The following CROCC2 variants were observed in gnomAD, a reference collection of about 807,000 sequenced individuals.
CROCC2 encodes the protein ciliary rootlet coiled-coil, rootletin family member 2, also known as ciliary rootlet coiled-coil protein 2.
CROCC2 carries 163 observed loss-of-function variants against 177.6 expected under a neutral mutation model. That is an observed-to-expected ratio of 0.92 (90% confidence interval 0.81 to 1.05). The LOEUF (loss-of-function observed/expected upper bound fraction) is 1.05. CROCC2 is among the 50% of genes least tolerant of loss of function. CROCC2 has a pLI of 0.00. For missense variants in CROCC2, 1,929 were observed against 1,797.8 expected, an observed-to-expected ratio of 1.07 and a Z score of -1.32; for synonymous variants, 904 against 787.3, an observed-to-expected ratio of 1.15 and a Z score of -2.48.
chr2:240,947,070 ATAGGCCCTGCTTAGGG>A (rs2059528564), intron 15 of CROCC2, among the ~76,000 whole-genome samples: 1 of 152,260 alleles, frequency 6.6e-6, no homozygotes, highest in South Asian at 2.1e-4. Flanking sequence ...TCTGTGCCTT[ATAGGCCCTGCTTAGGG>A]CCCTGCTCAG....
intron 14 of CROCC2, among the ~76,000 whole-genome samples, chr2:240,943,835 C>T (rs2059507506): frequency 6.6e-6 from 1 of 152,130 alleles, no homozygotes; most frequent in African/African-American, 2.4e-5. Context: ...TAGGACTTGG[C>T]AGATACCTCA....
At position 240,949,726 on chromosome 2, in the gene CROCC2, G is replaced by C. The variant is rs1295846228; in HGVS notation, c.2652+24G>C. The C allele has an allele frequency of 2.0e-6, 3 of 1,523,680 alleles. No homozygotes were observed. The highest frequency in any genetic ancestry group is 2.8e-5 in the African/African-American group (2 of 72,088). 94.4% of individuals were successfully genotyped at this position (1,523,680 alleles called of 1,614,324 possible). On this transcript the variant is annotated intron_variant, in intron 17 of 31. Transcript: ENST00000690015. This position sits in a 1 kb window ranked among gnomAD's most constrained non-coding sequence, Gnocchi z 4.5. ...AGGTCTGCTTCCCAGGAGCCCACCA[G>C]TAGCTTCCTAGAAGGCTACCAGGTC...
intron 15 of CROCC2, among the ~76,000 whole-genome samples, chr2:240,946,457 G>A (rs552605112): frequency 7.2e-5 from 11 of 152,368 alleles, no homozygotes; most frequent in Admixed American, 1.3e-4. Flanking sequence ...CAGTGAAAGC[G>A]CTGGGGTCAC....
rs1385120495 is a variant in CROCC2 at position 240,933,768 on chromosome 2, T to C, written c.1562T>C (p.Leu521Pro). Residue 521 changes from leucine (L) to proline (P), a missense_variant, in exon 11 of 32, where the codon CTG becomes CCG. By Grantham distance (98) the Leu-to-Pro change is moderately conservative (BLOSUM62 -3). Around this residue, in one of 3 missense-constraint regions of CROCC2, gnomAD observed 1,397 missense variants for 1,239.9 expected, o/e 1.13. Transcript: ENST00000690015. ...GGGCTGGAGGCCGAGGCTGCAGAGC[T>C]GCAGAGAAGCCTCCTGCTGCAGGCA... is the stretch of plus-strand genomic sequence containing the variant. ...KQGLEAEAAE[L>P]QRSLLLQAER... 2.6e-6 allele frequency: 4 copies of C among 1,549,422 alleles called. No individual in the cohort carries two copies. The highest frequency in any genetic ancestry group is 3.9e-5 in the Admixed American group (2 of 50,978).
chr2:240,923,413 G>A (rs1224035211), intron 4 of CROCC2, among the ~76,000 whole-genome samples: 1 of 150,742 alleles, frequency 6.6e-6, no homozygotes, highest in Non-Finnish European at 1.5e-5. Context: ...CTTATCAAGG[G>A]GGCCTCTGCC....
intron 20 of CROCC2, among the ~76,000 whole-genome samples, chr2:240,961,991 C>CCA (rs1218151675): frequency 4.8e-5 from 7 of 144,930 alleles, no homozygotes; most frequent in Admixed American, 2.1e-4. Context: ...TTGCACCGGC[C>CCA]CACACACACA....
rs1159513860 is a variant in CROCC2, at chr2:240,960,736, G to T, written c.3087+1292G>T. Among the ~76,000 whole-genome samples the T allele has an allele frequency of 2.6e-5, 4 of 152,114 alleles. No individual in the cohort carries two copies. Among genetic ancestry groups the T allele is most frequent in the Non-Finnish European group, 5.9e-5 (4 of 68,002 alleles). ...CCGGCAGGGGAGAGTGAGAAGAGGG[G>T]CTCAGCCCTCCCCAAGCACCCCCGA... On this transcript the variant is annotated intron_variant, in intron 20 of 31. Coordinates refer to ENST00000690015, the MANE Select transcript of CROCC2 (RefSeq NM_001351305.2). The surrounding 1 kb of genome is among the most constrained non-coding windows in gnomAD (Gnocchi z 5.0).
intron 1 of CROCC2, among the ~76,000 whole-genome samples, chr2:240,916,454 C>CG (rs1424359875): frequency 1.3e-5 from 1 of 74,654 alleles, no homozygotes; most frequent in Non-Finnish European, 2.8e-5. Context: ...CCCCCGCCCC[C>CG]CCCATGCGCT....
chr2:240,961,812 T>TCACACACGCACTCAC (rs1219164095), intron 20 of CROCC2, among the ~76,000 whole-genome samples: 2,117 of 22,292 alleles, frequency 0.095, 505 homozygotes, highest in African/African-American at 0.43. Flanking sequence ...TACACTCACA[T>TCACACACGCACTCAC]ACACTCACAC....
chr2:240,976,305 T>A (rs76712687), intron 27 of CROCC2, among the ~76,000 whole-genome samples: 47 of 50,508 alleles, frequency 9.3e-4, no homozygotes, highest in Admixed American at 1.6e-3. Context: ...TAGGAGCCTC[T>A]GGAGCCCAGG....
At chr2:240,970,957 G>T (rs2059716318) in intron 27 of CROCC2, among the ~76,000 whole-genome samples, 1 of 152,184 alleles carries the variant, frequency 6.6e-6, no homozygotes, top group African/African-American at 2.4e-5. Flanking sequence ...GTCCTCCTCT[G>T]GGTTCATCCA....
intron 1 of CROCC2, among the ~76,000 whole-genome samples, chr2:240,914,564 C>T (rs374965747): frequency 6.9e-4 from 105 of 152,338 alleles, no homozygotes; most frequent in African/African-American, 2.4e-3. Context: ...TGTTGGAGCT[C>T]AGGGAAGGGA....
intron 18 of CROCC2, chr2:240,950,818 C>A: frequency 3.1e-6 from 1 of 319,108 alleles, no homozygotes; most frequent in Non-Finnish European, 5.8e-6. Context: ...CATACACCCA[C>A]CTACCCATCC....
At chr2:240,955,777 CCA>C (rs1302847053) in intron 18 of CROCC2, 80 bp from the exon 19 acceptor site, 7 of 947,262 alleles carry the variant, frequency 7.4e-6, no homozygotes, top group Non-Finnish European at 1.1e-5. Flanking sequence ...CAGCATTCTG[CCA>C]CAGCCTCTCC....
chr2:240,916,732 C>G (rs1201237904), intron 1 of CROCC2, among the ~76,000 whole-genome samples: 2 of 152,184 alleles, frequency 1.3e-5, no homozygotes, highest in South Asian at 2.1e-4. Context: ...GTGGCGCCGC[C>G]GATGCCCGGG....
intron 27 of CROCC2, among the ~76,000 whole-genome samples, chr2:240,976,699 G>T (rs1574793645): frequency 8.6e-6 from 1 of 115,736 alleles, no homozygotes; most frequent in Non-Finnish European, 1.8e-5. Flanking sequence ...AGTCTCTGGG[G>T]TAGGAGCCTC....
rs2059627151 is a variant in CROCC2 at position 240,960,843 on chromosome 2, A to G, written c.3087+1399A>G. On this transcript the variant is annotated intron_variant, in intron 20 of 31. Coordinates refer to ENST00000690015, the MANE Select transcript of CROCC2 (RefSeq NM_001351305.2). The surrounding 1 kb of genome is among the most constrained non-coding windows in gnomAD (Gnocchi z 5.0). ...GCCCCAAGGAGAAAGGTCTCCTTTCAACAGATTTCAAAGTCAGGCCCGGTC... is the reference window on the plus strand; with the variant it reads ...GCCCCAAGGAGAAAGGTCTCCTTTCGACAGATTTCAAAGTCAGGCCCGGTC... Among the ~76,000 whole-genome samples, 2 of 151,810 alleles carry G rather than the reference A, an allele frequency of 1.3e-5. No homozygotes were observed. Among genetic ancestry groups the G allele is most frequent in the East Asian group, 3.9e-4 (2 of 5,110 alleles).
At chr2:240,962,142 G>C (rs2059646640) in intron 20 of CROCC2, among the ~76,000 whole-genome samples, 1 of 152,126 alleles carries the variant, frequency 6.6e-6, no homozygotes, top group Non-Finnish European at 1.5e-5. Flanking sequence ...CCTCCCTGCA[G>C]AGCTCTGGAG....
chr2:240,983,573 G>A lies in CROCC2; in HGVS notation c.4551+544G>A, dbSNP rs764987473. 6 of 1,280,042 alleles carry A rather than the reference G, an allele frequency of 4.7e-6. No homozygotes were observed. In the South Asian group the frequency reaches 7.4e-5, roughly 16 times the overall value. 79.3% of individuals were successfully genotyped at this position (1,280,042 alleles called of 1,614,324 possible). A position where few individuals can be genotyped will look rare whatever the true frequency, so the allele number is the denominator to read the frequency against. On this transcript the variant is annotated intron_variant, in intron 28 of 31. Transcript: ENST00000690015. ...GCTCGCGGCGCTGCGCGCTCAGCTC[G>A]CACAGGTAGGCGGCAGCGGTGGTCC...
Sources: allele counts gnomAD v4.1 joint callset (sites outside exome capture counted in the v4.1 genomes callset), GRCh38; gene constraint gnomAD v4.1.1; regional missense constraint gnomAD v4.1.1; non-coding constraint Gnocchi (gnomAD v3.1); transcripts MANE v1.5; gene names NCBI Gene and HGNC (gene_info 2026-07-23, HGNC 2026-07-21).